The following GLDN variants were observed in gnomAD, a reference collection of about 807,000 sequenced individuals.
GLDN encodes the protein gliomedin, also known as collomin.
GLDN carries 47 observed loss-of-function variants against 56.5 expected under a neutral mutation model. The ratio of observed to expected loss-of-function variants is 0.83; its 90% CI spans 0.66 to 1.06. GLDN has a LOEUF of 1.06. Ranked by LOEUF, GLDN falls within the 50% of genes least tolerant of loss-of-function variation. GLDN has a pLI of 0.00. For missense variants in GLDN, 782 were observed against 714.3 expected (o/e 1.09, Z -1.08); for synonymous variants, 332 against 278.8 (o/e 1.19, Z -1.90).
At chr15:51,372,779 A>G (rs1206598133) in intron 1 of GLDN, among the ~76,000 whole-genome samples, 1 of 152,176 alleles carries the variant, frequency 6.6e-6, no homozygotes, top group African/African-American at 2.4e-5. Context: ...ACTATTCTAG[A>G]CACAGGGTAC....
chr15:51,403,747 C>T (rs994260842), intron 9 of GLDN, among the ~76,000 whole-genome samples: 2 of 152,150 alleles, frequency 1.3e-5, no homozygotes, highest in African/African-American at 4.8e-5. Context: ...TTTAAAATTT[C>T]AGCAGGGAGT....
In GLDN at chr15:51,400,190, A is replaced by G. The variant is rs750653986; in HGVS notation, c.818-2A>G. On this transcript the variant is annotated splice_acceptor_variant, in intron 6 of 9. Coordinates refer to ENST00000335449, the MANE Select transcript of GLDN (RefSeq NM_181789.4). LOFTEE classifies it high-confidence loss of function. ...CTCTGATGATTATTGTTGTCATTTT[A>G]GGTGAGACTTGTGCCATACCAAATG... 7 of 1,613,742 alleles carry G rather than the reference A, an allele frequency of 4.3e-6. No homozygotes were observed. The East Asian group carries it at 1.6e-4, about 36-fold the overall frequency.
chr15:51,346,564 A>T (rs532411075), intron 1 of GLDN, among the ~76,000 whole-genome samples: 4 of 152,378 alleles, frequency 2.6e-5, no homozygotes, highest in East Asian at 3.9e-4. Flanking sequence ...CATTTTTAAA[A>T]TATGAAACTA....
At chr15:51,391,235 G>A (rs780882904) in intron 4 of GLDN, among the ~76,000 whole-genome samples, 1 of 152,098 alleles carries the variant, frequency 6.6e-6, no homozygotes, top group Admixed American at 6.5e-5. Context: ...CCTGTGGGGG[G>A]CGCATTACAA....
chr15:51,406,693 C>T lies in GLDN; in HGVS notation c.*1939C>T, dbSNP rs750470992. The T allele has an allele frequency of 2.0e-5, 3 of 152,178 alleles. No homozygotes were observed. The highest frequency in any genetic ancestry group is 7.2e-5 in the African/African-American group (3 of 41,442). 9.4% of individuals were successfully genotyped at this position (152,178 alleles called of 1,614,324 possible). On this transcript the variant is annotated 3_prime_UTR_variant, in exon 10 of 10. Transcript: ENST00000335449. ...TATACAGATTTAAATATTCAAATCT[C>T]CCTGCTCCCCTGAAAGTCCCCAGGC...
At position 51,405,893 on chromosome 15, in the gene GLDN, A is replaced by G. The variant is rs1489980733; in HGVS notation, c.*1139A>G. 2.0e-5 allele frequency: 3 copies of G among 152,182 alleles called. No individual in the cohort carries two copies. Among genetic ancestry groups the G allele is most frequent in the Non-Finnish European group, 2.9e-5 (2 of 68,024 alleles). 9.4% of individuals were successfully genotyped at this position (152,182 alleles called of 1,614,324 possible). A position where few individuals can be genotyped will look rare whatever the true frequency, so the allele number is the denominator to read the frequency against. On this transcript the variant is annotated 3_prime_UTR_variant, in exon 10 of 10. Transcript: ENST00000335449. ...GGCCTGACATTGCTTTTGCTCTGCA[A>G]CAGCAGAGTCGAGTCATTGCAACAA...
chr15:51,354,306 GT>G (rs141435769), intron 1 of GLDN, among the ~76,000 whole-genome samples: 6 of 151,940 alleles, frequency 3.9e-5, no homozygotes, highest in Non-Finnish European at 8.8e-5. Context: ...TAATTCCCTG[GT>G]TTTTTTTGTT....
downstream of GLDN, among the ~76,000 whole-genome samples, chr15:51,410,603 C>G (rs1322153429): frequency 5.9e-5 from 9 of 152,306 alleles, no homozygotes; most frequent in East Asian, 1.9e-4. Context: ...AAGGGCTCTT[C>G]TTAATGACAT....
downstream of GLDN, among the ~76,000 whole-genome samples, chr15:51,412,186 A>G (rs2038472326): frequency 6.6e-6 from 1 of 152,212 alleles, no homozygotes; most frequent in South Asian, 2.1e-4. Flanking sequence ...AAGCTCACCC[A>G]CTGTCGCTCA....
At chr15:51,397,803 G>T (rs1174642343) in intron 6 of GLDN, among the ~76,000 whole-genome samples, 1 of 152,048 alleles carries the variant, frequency 6.6e-6, no homozygotes, top group Non-Finnish European at 1.5e-5. Flanking sequence ...TTAGAATTAG[G>T]CCTCCCACTC....
intron 8 of GLDN, 77 bp downstream of exon 8, chr15:51,400,575 C>T (rs771636580): frequency 6.2e-5 from 91 of 1,466,106 alleles, no homozygotes; most frequent in Non-Finnish European, 2.3e-5. Flanking sequence ...TGGGCGTATT[C>T]CATTTGTGTG....
At position 51,406,146 on chromosome 15, in the gene GLDN, C is replaced by G. The variant is rs574046812; in HGVS notation, c.*1392C>G. On this transcript the variant is annotated 3_prime_UTR_variant, in exon 10 of 10. Coordinates refer to ENST00000335449, the MANE Select transcript of GLDN (RefSeq NM_181789.4). Reference sequence around the variant, plus strand: ...AAGATGAAGTGGCCCTCCACAAAGGCTGGTTAGGGGACAGTTCTTTCTCTA... The same window carrying G: ...AAGATGAAGTGGCCCTCCACAAAGGGTGGTTAGGGGACAGTTCTTTCTCTA... The G allele has an allele frequency of 1.3e-5, 2 of 152,330 alleles. No homozygotes were observed. Among genetic ancestry groups the G allele is most frequent in the East Asian group, 3.9e-4 (2 of 5,190 alleles). 9.4% of individuals were successfully genotyped at this position (152,330 alleles called of 1,614,324 possible). A position where few individuals can be genotyped will look rare whatever the true frequency, so the allele number is the denominator to read the frequency against.
intron 1 of GLDN, 39 bp downstream of exon 1, chr15:51,342,086 G>C: frequency 6.3e-7 from 1 of 1,587,780 alleles, no homozygotes; most frequent in Non-Finnish European, 8.5e-7. Flanking sequence ...CCCCGGCCAG[G>C]TGGGCGGCTG....
intron 1 of GLDN, among the ~76,000 whole-genome samples, chr15:51,358,408 C>T (rs1288439463): frequency 3.9e-5 from 6 of 152,268 alleles, no homozygotes; most frequent in East Asian, 1.9e-4. Context: ...AAATACACCC[C>T]GAACCTAAGA....
Position 51,406,284 on chromosome 15 carries a change from A to G in GLDN, c.*1530A>G, listed in dbSNP as rs551915061. On this transcript the variant is annotated 3_prime_UTR_variant, in exon 10 of 10. Coordinates refer to ENST00000335449, the MANE Select transcript of GLDN (RefSeq NM_181789.4). ...TATTTTCTGCCAACTCACTTCTTTA[A>G]ACATCTTTCAGCCCAGCGCTGCGGC... The G allele has an allele frequency of 1.4e-5, 2 of 140,924 alleles. No individual in the cohort carries two copies. Among genetic ancestry groups the G allele is most frequent in the Admixed American group, 6.8e-5 (1 of 14,674 alleles). 8.7% of individuals were successfully genotyped at this position (140,924 alleles called of 1,614,324 possible).
At chr15:51,356,199 C>T (rs1028580900) in intron 1 of GLDN, among the ~76,000 whole-genome samples, 1 of 141,728 alleles carries the variant, frequency 7.1e-6, no homozygotes, top group African/African-American at 3.0e-5. Flanking sequence ...GAGTGAGACT[C>T]TGTCTCAAAA....
Position 51,370,984 on chromosome 15 carries a change from G to C in GLDN, c.364-6465G>C, listed in dbSNP as rs1188526720. On this transcript the variant is annotated intron_variant, in intron 1 of 9. Transcript: ENST00000335449. ...CATTCCAGCATGGGCAACAGAGTGA[G>C]ACTCCATCTCAAAAAATAAAAAATT... Among the ~76,000 whole-genome samples, 3 of 151,766 alleles carry C rather than the reference G, an allele frequency of 2.0e-5. No individual in the cohort carries two copies. The South Asian group carries it at 6.2e-4, about 32-fold the overall frequency.
intron 5 of GLDN, among the ~76,000 whole-genome samples, chr15:51,395,248 C>T (rs949357056): frequency 1.3e-5 from 2 of 152,166 alleles, no homozygotes; most frequent in African/African-American, 4.8e-5. Context: ...TATTTCTTTT[C>T]CAAGATATAT....
At chr15:51,355,992 G>A (rs561853625) in intron 1 of GLDN, among the ~76,000 whole-genome samples, 6,057 of 148,206 alleles carry the variant, frequency 0.041, 160 homozygotes, top group South Asian at 0.064. Context: ...CGGATCACGA[G>A]GTCAGAAGAT....
Sources: gnomAD v4.1 joint callset for allele counts (sites outside exome capture counted in the v4.1 genomes callset) on GRCh38, gnomAD v4.1.1 for gene constraint, MANE v1.5 for transcripts, NCBI Gene and HGNC (gene_info 2026-07-23, HGNC 2026-07-21) for gene names.